The following RAB3C variants were observed in gnomAD, a reference collection of about 807,000 sequenced individuals.
The protein encoded by RAB3C is ras-related protein Rab-3C.
Under a neutral mutation model 26.4 loss-of-function variants are expected in RAB3C, and 17 were observed. That is an observed-to-expected ratio of 0.64 (90% CI 0.44 to 0.97). RAB3C has a LOEUF of 0.97. RAB3C is among the 50% of genes least tolerant of loss of function. The pLI, the probability that RAB3C is intolerant of heterozygous loss-of-function variation, is 0.00. For synonymous variants in RAB3C, 91 were observed against 95.9 expected, an observed-to-expected ratio of 0.95 and a Z score of 0.30; for missense variants, 242 against 281.9, an observed-to-expected ratio of 0.86 and a Z score of 1.01.
chr5:58,823,149 C>A, intron 3 of RAB3C: 1 of 374,426 alleles, frequency 2.7e-6, no homozygotes, highest in Non-Finnish European at 5.1e-6. Context: ...CTAATGGAAG[C>A]AGATGAAGAT....
intron 2 of RAB3C, among the ~76,000 whole-genome samples, chr5:58,680,888 G>A (rs1398215013): frequency 6.6e-6 from 1 of 152,126 alleles, no homozygotes; most frequent in East Asian, 1.9e-4. Context: ...AGATTCAGGG[G>A]ATTTGGATTT....
intron 3 of RAB3C, among the ~76,000 whole-genome samples, chr5:58,734,685 T>G (rs1316573605): frequency 6.6e-6 from 1 of 152,202 alleles, no homozygotes; most frequent in Non-Finnish European, 1.5e-5. Flanking sequence ...AAATGACATC[T>G]CTATCTTTCT....
At chr5:58,595,569 T>A (rs906229240) in intron 1 of RAB3C, among the ~76,000 whole-genome samples, 1 of 152,134 alleles carries the variant, frequency 6.6e-6, no homozygotes, top group Non-Finnish European at 1.5e-5. Flanking sequence ...CGTTTGTTAA[T>A]CCAGTGATTT....
At chr5:58,709,954 G>A (rs1478318062) in intron 2 of RAB3C, among the ~76,000 whole-genome samples, 2 of 152,142 alleles carry the variant, frequency 1.3e-5, no homozygotes. Context: ...TTTGTGCCTT[G>A]TAAAGTTTGA....
intron 1 of RAB3C, among the ~76,000 whole-genome samples, chr5:58,593,648 T>G (rs1746184374): frequency 6.6e-6 from 1 of 152,224 alleles, no homozygotes. Context: ...TACTTTCTTT[T>G]GCCAACTTAT....
intron 1 of RAB3C, among the ~76,000 whole-genome samples, chr5:58,587,033 C>G (rs1033926306): frequency 3.3e-5 from 5 of 152,090 alleles, no homozygotes; most frequent in African/African-American, 1.2e-4. Context: ...CAGAAAATCC[C>G]TAATTGACTT....
intron 3 of RAB3C, among the ~76,000 whole-genome samples, chr5:58,760,034 C>T (rs549637995): frequency 6.6e-6 from 1 of 152,318 alleles, no homozygotes; most frequent in South Asian, 2.1e-4. Flanking sequence ...TCTCCTGTCT[C>T]CCTGACCTAG....
At chr5:58,610,090 A>G (rs1019122362) in intron 1 of RAB3C, among the ~76,000 whole-genome samples, 2 of 152,168 alleles carry the variant, frequency 1.3e-5, no homozygotes, top group Non-Finnish European at 2.9e-5. Flanking sequence ...CCTGGAGTCC[A>G]GATGACAGAC....
intron 2 of RAB3C, among the ~76,000 whole-genome samples, chr5:58,705,946 T>G (rs1254423967): frequency 1.3e-5 from 2 of 152,184 alleles, no homozygotes; most frequent in African/African-American, 4.8e-5. Flanking sequence ...ACTTTCATAT[T>G]GCTCCTAGTA....
intron 3 of RAB3C, among the ~76,000 whole-genome samples, chr5:58,746,000 T>C (rs1391855015): frequency 2.0e-5 from 3 of 152,226 alleles, no homozygotes; most frequent in African/African-American, 7.2e-5. Flanking sequence ...TTTCTTCTTA[T>C]CTAAACAGTC....
intron 3 of RAB3C, among the ~76,000 whole-genome samples, chr5:58,821,829 G>A (rs1403146714): frequency 6.6e-6 from 1 of 152,124 alleles, no homozygotes; most frequent in Non-Finnish European, 1.5e-5. Context: ...AGTGATCATA[G>A]CTCATTGAAA....
chr5:58,783,531 G>A (rs1304524313), intron 3 of RAB3C, among the ~76,000 whole-genome samples: 1 of 152,070 alleles, frequency 6.6e-6, no homozygotes, highest in Non-Finnish European at 1.5e-5. Context: ...CTGCTGAAGG[G>A]GACATGACAC....
At chr5:58,641,897 A>C (rs370793810) in intron 2 of RAB3C, among the ~76,000 whole-genome samples, 2 of 152,182 alleles carry the variant, frequency 1.3e-5, no homozygotes, top group East Asian at 3.9e-4. Flanking sequence ...TTGTGTTGTA[A>C]AATTTCTGGA....
chr5:58,753,564 T>G (rs292957), intron 3 of RAB3C, among the ~76,000 whole-genome samples: 52,861 of 151,918 alleles, frequency 0.35, 9,712 homozygotes, highest in Middle Eastern at 0.48. Flanking sequence ...CCGGAGCATC[T>G]GGAAAGGTCA....
intron 3 of RAB3C, among the ~76,000 whole-genome samples, chr5:58,745,255 G>A (rs892279696): frequency 1.3e-5 from 2 of 151,654 alleles, no homozygotes; most frequent in African/African-American, 4.8e-5. Flanking sequence ...AAAATTAGCC[G>A]GGCATAGTGG....
intron 3 of RAB3C, among the ~76,000 whole-genome samples, chr5:58,764,022 A>G (rs1471262266): frequency 1.3e-5 from 2 of 152,200 alleles, no homozygotes; most frequent in Non-Finnish European, 2.9e-5. Flanking sequence ...TTTACTTTTA[A>G]TTATTTTCTT....
intron 2 of RAB3C, among the ~76,000 whole-genome samples, chr5:58,661,869 A>G (rs1747912965): frequency 6.7e-6 from 1 of 149,544 alleles, no homozygotes; most frequent in South Asian, 2.1e-4. Context: ...CGCATGCAAA[A>G]CAGAATGAAC....
chr5:58,595,559 C>T (rs770635215), intron 1 of RAB3C, among the ~76,000 whole-genome samples: 5 of 152,038 alleles, frequency 3.3e-5, no homozygotes, highest in African/African-American at 4.8e-5. Flanking sequence ...TCCATATGAA[C>T]GTTTGTTAAT....
At chr5:58,649,504 C>T (rs1747597623) in intron 2 of RAB3C, among the ~76,000 whole-genome samples, 1 of 151,976 alleles carries the variant, frequency 6.6e-6, no homozygotes, top group Non-Finnish European at 1.5e-5. Flanking sequence ...CTCAAACCCT[C>T]ACTTAAGGCG....
Sources: allele counts gnomAD v4.1 joint callset (sites outside exome capture counted in the v4.1 genomes callset), GRCh38; gene constraint gnomAD v4.1.1; transcripts MANE v1.5; gene names NCBI Gene and HGNC (gene_info 2026-07-23, HGNC 2026-07-21).